Variants in KAZN observed in about 807,000 individuals in gnomAD.
The protein encoded by KAZN is kazrin, periplakin interacting protein, also known as kazrin.
A neutral mutation model predicts 87.4 loss-of-function variants in KAZN; 40 were observed. The ratio of observed to expected loss-of-function variants is 0.46; its 90% confidence interval spans 0.36 to 0.60. The LOEUF is 0.60. KAZN is among the 20% of genes least tolerant of loss of function. The pLI, the probability that KAZN is intolerant of heterozygous loss-of-function variation, is 0.00. For missense variants in KAZN, 898 were observed against 1,073.9 expected (o/e 0.84, Z 2.29); for synonymous variants, 466 against 458.3 (o/e 1.02, Z -0.22).
chr1:14,657,759 C>G (rs914620088), intron 1 of KAZN, among the ~76,000 whole-genome samples: 3 of 152,232 alleles, frequency 2.0e-5, no homozygotes, highest in African/African-American at 2.4e-5. Flanking sequence ...CCCCATCCCC[C>G]CAGAGCACAG....
intron 1 of KAZN, among the ~76,000 whole-genome samples, chr1:13,936,322 G>A (rs1302565778): frequency 7.9e-5 from 12 of 151,212 alleles, no homozygotes; most frequent in African/African-American, 2.2e-4. Context: ...GGCTGGTCTC[G>A]AACTCCTGAC....
At chr1:14,586,274 G>C (rs963050585) in intron 2 of KAZN, among the ~76,000 whole-genome samples, 1 of 152,158 alleles carries the variant, frequency 6.6e-6, no homozygotes, top group Non-Finnish European at 1.5e-5. Flanking sequence ...AAGTAGAGCT[G>C]GTCTGTTTTT....
chr1:14,870,937 C>G (rs1236167864), intron 1 of KAZN, among the ~76,000 whole-genome samples: 1 of 152,256 alleles, frequency 6.6e-6, no homozygotes, highest in Non-Finnish European at 1.5e-5. Context: ...TCCACACCTG[C>G]CTGGGGTCAC....
At chr1:14,290,315 A>T (rs1313496377) in intron 2 of KAZN, among the ~76,000 whole-genome samples, 4 of 152,236 alleles carry the variant, frequency 2.6e-5, no homozygotes, top group Non-Finnish European at 5.9e-5. Context: ...TAGGTACACC[A>T]ATCAAACACA....
intron 1 of KAZN, among the ~76,000 whole-genome samples, chr1:14,170,061 T>G (rs143900204): frequency 6.6e-6 from 1 of 152,172 alleles, no homozygotes; most frequent in South Asian, 2.1e-4. Flanking sequence ...TGGAGCCACA[T>G]TGATCCTCCA....
chr1:14,543,116 CT>C (rs1465952200), intron 2 of KAZN, among the ~76,000 whole-genome samples: 9 of 152,150 alleles, frequency 5.9e-5, no homozygotes, highest in Non-Finnish European at 8.8e-5. Context: ...TTTTCTAAGC[CT>C]GAGTTACTCA....
chr1:14,972,355 T>G (rs561780994), intron 2 of KAZN, among the ~76,000 whole-genome samples: 67 of 152,316 alleles, frequency 4.4e-4, no homozygotes, highest in African/African-American at 1.5e-3. Context: ...TCAGAGGCAG[T>G]GCAGGGCACT....
At chr1:14,948,164 C>T (rs896086504) in intron 1 of KAZN, among the ~76,000 whole-genome samples, 5 of 152,178 alleles carry the variant, frequency 3.3e-5, no homozygotes, top group African/African-American at 1.2e-4. Flanking sequence ...TATCAGGATT[C>T]TTTTTCAAGT....
rs1006249441 is a variant in KAZN, at chr1:14,551,640, C to G, written c.250-47343C>G. ...AGGCCTCCCATATGTTAATAGCGAC[C>G]TGGCTTGAGATATTGGTGAGTTAGT... On this transcript the variant is annotated intron_variant, in intron 2 of 16. Coordinates refer to the KAZN transcript ENST00000636203. Among the ~76,000 whole-genome samples, 8 of 152,214 alleles carry G rather than the reference C, an allele frequency of 5.3e-5. No individual in the cohort carries two copies. The South Asian group carries it at 6.2e-4, about 12-fold the overall frequency.
At chr1:14,470,475 C>G (rs1668395378) in intron 2 of KAZN, among the ~76,000 whole-genome samples, 1 of 152,150 alleles carries the variant, frequency 6.6e-6, no homozygotes, top group Admixed American at 6.5e-5. Flanking sequence ...ATTTGACAGT[C>G]TGGTCATGTC....
At chr1:14,433,617 G>A (rs1666208281) in intron 2 of KAZN, among the ~76,000 whole-genome samples, 1 of 152,196 alleles carries the variant, frequency 6.6e-6, no homozygotes, top group African/African-American at 2.4e-5. Context: ...CAGCACTTTG[G>A]GAGGCCAAGG....
At chr1:14,628,385 C>T (rs1679307251) in intron 1 of KAZN, among the ~76,000 whole-genome samples, 1 of 152,086 alleles carries the variant, frequency 6.6e-6, no homozygotes, top group Non-Finnish European at 1.5e-5. Flanking sequence ...TAAATTAGGC[C>T]TTGTTTAAAA....
At chr1:14,399,160 G>A (rs1037690088) in intron 2 of KAZN, among the ~76,000 whole-genome samples, 1 of 152,062 alleles carries the variant, frequency 6.6e-6, no homozygotes. Flanking sequence ...TGCCATGCCT[G>A]GCTAGTTTAT....
chr1:14,910,030 G>A (rs766509336), intron 1 of KAZN, among the ~76,000 whole-genome samples: 11 of 151,452 alleles, frequency 7.3e-5, no homozygotes, highest in Non-Finnish European at 1.2e-4. Flanking sequence ...CTGCTTGGGC[G>A]ACAGAGTAAG....
intron 1 of KAZN, among the ~76,000 whole-genome samples, chr1:14,087,908 T>C (rs1643890787): frequency 6.6e-6 from 1 of 151,886 alleles, no homozygotes; most frequent in African/African-American, 2.4e-5. Flanking sequence ...GTTTGTAGTT[T>C]TCTTTCCTTG....
chr1:14,199,051 T>C (rs1646586057), intron 2 of KAZN, among the ~76,000 whole-genome samples: 2 of 152,228 alleles, frequency 1.3e-5, no homozygotes, highest in Middle Eastern at 3.2e-3. Context: ...AGGTCGATGA[T>C]ATGGGAATAA....
chr1:14,763,713 G>C (rs947237901), intron 1 of KAZN, among the ~76,000 whole-genome samples: 2 of 152,104 alleles, frequency 1.3e-5, no homozygotes, highest in African/African-American at 4.8e-5. Flanking sequence ...TTTGCCTAAG[G>C]GGGAGATGGG....
At chr1:14,984,157 A>G (rs1666540501) in intron 2 of KAZN, among the ~76,000 whole-genome samples, 1 of 152,122 alleles carries the variant, frequency 6.6e-6, no homozygotes, top group African/African-American at 2.4e-5. Context: ...ACTTGAAGTC[A>G]GGAGTTTGAG....
chr1:14,473,975 G>A lies in KAZN; in HGVS notation c.250-125008G>A, dbSNP rs1022487762. 2.6e-5 allele frequency among the ~76,000 whole-genome samples: 4 copies of A among 152,172 alleles called. No individual in the cohort carries two copies. In the South Asian group the frequency reaches 6.2e-4, roughly 24 times the overall value. ...CTCTTGCCCTGTTTCCATCATTCCC[G>A]GTCACATCACTGCATTTATTTATAG... is the stretch of plus-strand genomic sequence containing the variant. On this transcript the variant is annotated intron_variant, in intron 2 of 16. Transcript: ENST00000636203.
Sources: gnomAD v4.1 joint callset for allele counts (sites outside exome capture counted in the v4.1 genomes callset) on GRCh38, gnomAD v4.1.1 for gene constraint, MANE v1.5 for transcripts, NCBI Gene and HGNC (gene_info 2026-07-23, HGNC 2026-07-21) for gene names.